DTD1: variants seen among roughly 807,000 people sequenced by gnomAD.
The protein encoded by DTD1 is D-aminoacyl-tRNA deacylase 1, also known as D-tyrosyl-tRNA deacylase 1 homolog.
DTD1 carries 13 observed loss-of-function variants against 25.6 expected under a neutral mutation model. The observed-to-expected ratio is 0.51, with a 90% CI of 0.33 to 0.81. The LOEUF (loss-of-function observed/expected upper bound fraction) is 0.81, where lower values mean the gene tolerates loss of function less well. Ranked by LOEUF, DTD1 falls within the 30% of genes least tolerant of loss-of-function variation. The pLI is 0.02. For missense variants in DTD1, 193 were observed against 266.4 expected (o/e 0.72, Z 1.92); for synonymous variants, 110 against 103.6 (o/e 1.06, Z -0.37).
intron 1 of DTD1, among the ~76,000 whole-genome samples, chr20:18,592,886 T>C (rs1329910643): frequency 6.6e-6 from 1 of 151,894 alleles, no homozygotes; most frequent in Non-Finnish European, 1.5e-5. Flanking sequence ...TTTCGCCATG[T>C]TGGCCAAGCT....
intron 4 of DTD1, among the ~76,000 whole-genome samples, chr20:18,638,846 A>G (rs2060818332): frequency 6.6e-6 from 1 of 152,122 alleles, no homozygotes; most frequent in Non-Finnish European, 1.5e-5. Context: ...GAGCTGTGGA[A>G]AGATTCTGGA....
chr20:18,722,192 T>C (rs2061206567), intron 4 of DTD1, among the ~76,000 whole-genome samples: 1 of 152,248 alleles, frequency 6.6e-6, no homozygotes, highest in South Asian at 2.1e-4. Flanking sequence ...TTGGCATGGC[T>C]GCATGTTCTT....
chr20:18,738,608 T>G (rs2061265746), intron 4 of DTD1, among the ~76,000 whole-genome samples: 1 of 152,222 alleles, frequency 6.6e-6, no homozygotes, highest in African/African-American at 2.4e-5. Flanking sequence ...TCCTCTCACC[T>G]GTGTTTATTA....
At chr20:18,729,560 T>C (rs542008142) in intron 4 of DTD1, among the ~76,000 whole-genome samples, 1 of 152,252 alleles carries the variant, frequency 6.6e-6, no homozygotes, top group Non-Finnish European at 1.5e-5. Flanking sequence ...ATAGTGGTTT[T>C]ATTCCTCTTC....
intron 4 of DTD1, among the ~76,000 whole-genome samples, chr20:18,737,080 A>G (rs6136499): frequency 0.15 from 22,121 of 152,130 alleles, 1,717 homozygotes; most frequent in Admixed American, 0.2. Context: ...ACTCCCGACA[A>G]TAATGCTTCA....
At chr20:18,755,309 G>GT (rs1410577321) in intron 5 of DTD1, among the ~76,000 whole-genome samples, 2 of 152,156 alleles carry the variant, frequency 1.3e-5, no homozygotes, top group Admixed American at 1.3e-4. Context: ...TTAGGTCCAT[G>GT]TGCACAACGT....
chr20:18,719,323 T>A (rs1046858838), intron 4 of DTD1, among the ~76,000 whole-genome samples: 1 of 152,174 alleles, frequency 6.6e-6, no homozygotes, highest in Non-Finnish European at 1.5e-5. Flanking sequence ...TACCCTAACC[T>A]ATTTCCTAAA....
intron 5 of DTD1, 78 bp downstream of exon 5, chr20:18,744,349 G>C: frequency 7.1e-7 from 1 of 1,414,084 alleles, no homozygotes; most frequent in Non-Finnish European, 9.6e-7. Context: ...AGCTGCTGAG[G>C]CTGAATTCAT....
chr20:18,620,995 T>A (rs1408716917), intron 3 of DTD1, among the ~76,000 whole-genome samples: 2 of 152,214 alleles, frequency 1.3e-5, no homozygotes, highest in Non-Finnish European at 2.9e-5. Context: ...AGTACAGTTA[T>A]CAAAATGAGG....
At chr20:18,714,235 A>G (rs111294878) in intron 4 of DTD1, among the ~76,000 whole-genome samples, 2 of 152,340 alleles carry the variant, frequency 1.3e-5, no homozygotes, top group African/African-American at 4.8e-5. Flanking sequence ...AGAAGGCTGT[A>G]CTAGATATGT....
At chr20:18,663,012 T>C (rs932471597) in intron 4 of DTD1, among the ~76,000 whole-genome samples, 4 of 152,314 alleles carry the variant, frequency 2.6e-5, no homozygotes, top group South Asian at 2.1e-4. Context: ...GCAGGAACCA[T>C]GTGTCTCTGG....
chr20:18,670,261 G>C (rs1381375967), intron 4 of DTD1, among the ~76,000 whole-genome samples: 1 of 152,178 alleles, frequency 6.6e-6, no homozygotes, highest in African/African-American at 2.4e-5. Context: ...TTCGAGACCA[G>C]CCTGGCCAAC....
chr20:18,654,821 A>G (rs746486578), intron 4 of DTD1, among the ~76,000 whole-genome samples: 39 of 152,362 alleles, frequency 2.6e-4, no homozygotes, highest in Non-Finnish European at 2.8e-4. Flanking sequence ...TCTGTTGAAT[A>G]AAAGGTTAAG....
At chr20:18,672,012 T>C (rs2060952721) in intron 4 of DTD1, among the ~76,000 whole-genome samples, 1 of 152,136 alleles carries the variant, frequency 6.6e-6, no homozygotes, top group African/African-American at 2.4e-5. Flanking sequence ...GGTGGGAGGA[T>C]CACTTGAGCT....
chr20:18,696,855 G>A (rs1194950408), intron 4 of DTD1, among the ~76,000 whole-genome samples: 5 of 151,814 alleles, frequency 3.3e-5, no homozygotes, highest in Non-Finnish European at 7.4e-5. Context: ...CCCCTGGCCT[G>A]AACTGTAGTT....
chr20:18,643,027 C>T (rs570853770), intron 4 of DTD1: 45 of 157,822 alleles, frequency 2.9e-4, no homozygotes, highest in South Asian at 8.8e-4. Flanking sequence ...GAGATTCTCC[C>T]GCCTCAGCCT....
In DTD1 at chr20:18,588,721, G is replaced by A. The variant is rs371452165; in HGVS notation, c.43+606G>A. On this transcript the variant is annotated intron_variant, in intron 1 of 5. Coordinates refer to ENST00000377452, the MANE Select transcript of DTD1 (RefSeq NM_080820.6). ...CTCGCCCTCGCCCGCTGAACTCTGC[G>A]CGGAGGGGTCGGGATCTAAAGAATT... 6.1e-6 allele frequency: 6 copies of A among 985,300 alleles called. No homozygotes were observed. In the African/African-American group the frequency reaches 8.7e-5, roughly 14 times the overall value. 61.0% of individuals were successfully genotyped at this position (985,300 alleles called of 1,614,324 possible). A position where few individuals can be genotyped will look rare whatever the true frequency, so the allele number is the denominator to read the frequency against.
intron 4 of DTD1, among the ~76,000 whole-genome samples, chr20:18,701,596 G>A (rs563947555): frequency 6.6e-6 from 1 of 152,314 alleles, no homozygotes; most frequent in African/African-American, 2.4e-5. Flanking sequence ...TGCACTATGT[G>A]AGCTGAATGC....
At chr20:18,735,852 C>T (rs2061252910) in intron 4 of DTD1, among the ~76,000 whole-genome samples, 1 of 152,068 alleles carries the variant, frequency 6.6e-6, no homozygotes, top group African/African-American at 2.4e-5. Context: ...CCATCTCACT[C>T]TAGAGCACCA....
Sources: allele counts gnomAD v4.1 joint callset (sites outside exome capture counted in the v4.1 genomes callset), GRCh38; gene constraint gnomAD v4.1.1; transcripts MANE v1.5; gene names NCBI Gene and HGNC (gene_info 2026-07-23, HGNC 2026-07-21).